Variants in BTBD9 observed in about 807,000 individuals in gnomAD.
The protein encoded by BTBD9 is BTB/POZ domain-containing protein 9.
Under a neutral mutation model 64.3 loss-of-function variants are expected in BTBD9, and 49 were observed. The observed-to-expected ratio is 0.76, with a 90% CI of 0.61 to 0.97. The LOEUF is 0.97. Ranked by LOEUF, BTBD9 falls within the 50% of genes least tolerant of loss-of-function variation. The pLI, the probability that BTBD9 is intolerant of heterozygous loss-of-function variation, is 0.00. For missense variants in BTBD9, 598 were observed against 762.1 expected (o/e 0.78, Z 2.53); for synonymous variants, 260 against 274.7 (o/e 0.95, Z 0.53).
chr6:38,276,422 A>G (rs1761253555), intron 8 of BTBD9, among the ~76,000 whole-genome samples: 1 of 152,068 alleles, frequency 6.6e-6, no homozygotes, highest in Admixed American at 6.6e-5. Context: ...TGGGTGCAGT[A>G]CACCGACATG....
chr6:38,373,690 T>C (rs534508946), intron 6 of BTBD9, among the ~76,000 whole-genome samples: 1 of 152,026 alleles, frequency 6.6e-6, no homozygotes, highest in Non-Finnish European at 1.5e-5. Flanking sequence ...CACCACCACA[T>C]CCAGCTTTTT....
intron 7 of BTBD9, among the ~76,000 whole-genome samples, chr6:38,308,092 T>C (rs1253676063): frequency 6.6e-6 from 1 of 152,214 alleles, no homozygotes; most frequent in Non-Finnish European, 1.5e-5. Context: ...TTGACAATCC[T>C]GTAGTTTAAA....
At chr6:38,518,170 C>T (rs1302800309) in intron 6 of BTBD9, among the ~76,000 whole-genome samples, 3 of 152,034 alleles carry the variant, frequency 2.0e-5, no homozygotes, top group East Asian at 1.9e-4. Context: ...AATGTGCCCC[C>T]CACCCCCGAA....
chr6:38,382,287 T>C (rs1311132399), intron 6 of BTBD9, among the ~76,000 whole-genome samples: 2 of 152,070 alleles, frequency 1.3e-5, no homozygotes, highest in Non-Finnish European at 2.9e-5. Flanking sequence ...CTCAACTAAT[T>C]GTGGTTGTGG....
At chr6:38,373,806 G>A (rs991243255) in intron 6 of BTBD9, among the ~76,000 whole-genome samples, 1 of 152,066 alleles carries the variant, frequency 6.6e-6, no homozygotes, top group African/African-American at 2.4e-5. Flanking sequence ...AAGATTATAG[G>A]TGTGAGCCAC....
intron 8 of BTBD9, among the ~76,000 whole-genome samples, chr6:38,278,797 G>A (rs186631615): frequency 6.6e-6 from 1 of 152,286 alleles, no homozygotes; most frequent in East Asian, 1.9e-4. Context: ...AAAGAATAAT[G>A]TGGCAAGGCA....
At chr6:38,444,172 T>C (rs1375878495) in intron 6 of BTBD9, among the ~76,000 whole-genome samples, 3 of 152,226 alleles carry the variant, frequency 2.0e-5, no homozygotes, top group Non-Finnish European at 4.4e-5. Flanking sequence ...TTAAATCCCC[T>C]GGCCATGTGT....
intron 9 of BTBD9, among the ~76,000 whole-genome samples, chr6:38,239,919 T>C (rs1326787970): frequency 1.3e-5 from 2 of 152,214 alleles, no homozygotes; most frequent in East Asian, 1.9e-4. Context: ...ACACTTACCT[T>C]ATCAGAAAGA....
intron 1 of BTBD9, among the ~76,000 whole-genome samples, chr6:38,633,154 C>T (rs150116157): frequency 5.0e-4 from 76 of 152,294 alleles, no homozygotes; most frequent in African/African-American, 1.6e-3. Flanking sequence ...CTAACTTCCT[C>T]CAGTAACTTT....
At chr6:38,470,945 A>G (rs1368019224) in intron 6 of BTBD9, among the ~76,000 whole-genome samples, 1 of 152,218 alleles carries the variant, frequency 6.6e-6, no homozygotes, top group African/African-American at 2.4e-5. Flanking sequence ...ACGAAGTAGT[A>G]AATTAGAAAA....
Position 38,256,437 on chromosome 6 carries a change from C to T in BTBD9, c.1534G>A (p.Val512Ile). The T allele has an allele frequency of 6.2e-7, 1 of 1,613,922 alleles. No homozygotes were observed. The highest frequency in any genetic ancestry group is 8.5e-7 in the Non-Finnish European group (1 of 1,179,842). The change falls in exon 9 of 11, where the codon GTT (valine) becomes ATT (isoleucine). Residue 512 changes from valine (V) to isoleucine (I), a missense_variant. Transcript: ENST00000481247. Reference sequence around the variant, plus strand: ...CAGGAGACTTTAGTTCTGTCAGCAACCATGGTCCACTGTTGCTGGTTGGTA... The same window carrying T: ...CAGGAGACTTTAGTTCTGTCAGCAATCATGGTCCACTGTTGCTGGTTGGTA... The part of the protein sequence containing the change: ...VSTNQQQWTM[V>I]ADRTKVSCKS...
chr6:38,406,486 G>A (rs1162318322), intron 6 of BTBD9, among the ~76,000 whole-genome samples: 2 of 151,994 alleles, frequency 1.3e-5, no homozygotes, highest in African/African-American at 2.4e-5. Context: ...CTTAGATTAG[G>A]GAATACATTT....
chr6:38,330,168 C>T (rs1379918351), intron 7 of BTBD9, among the ~76,000 whole-genome samples: 1 of 151,976 alleles, frequency 6.6e-6, no homozygotes, highest in Admixed American at 6.6e-5. Context: ...AATTCTCCTG[C>T]CTCAGCCTCC....
At chr6:38,587,319 C>T in intron 4 of BTBD9, 1 of 421,094 alleles carries the variant, frequency 2.4e-6, no homozygotes, top group Non-Finnish European at 4.7e-6. Context: ...TCCTGGAGTC[C>T]ACCATGAACA....
intron 8 of BTBD9, among the ~76,000 whole-genome samples, chr6:38,257,666 G>C (rs191042037): frequency 6.6e-6 from 1 of 152,192 alleles, no homozygotes; most frequent in Admixed American, 6.5e-5. Context: ...TCATTATTTA[G>C]AAATTGATTA....
At chr6:38,566,766 T>A (rs1775537470) in intron 6 of BTBD9, among the ~76,000 whole-genome samples, 1 of 152,200 alleles carries the variant, frequency 6.6e-6, no homozygotes, top group Admixed American at 6.6e-5. Flanking sequence ...AAGTGTGATT[T>A]TAAGCACTGT....
intron 6 of BTBD9, among the ~76,000 whole-genome samples, chr6:38,469,305 C>CTCTCTTT (rs1770528003): frequency 6.7e-6 from 1 of 148,742 alleles, no homozygotes; most frequent in African/African-American, 2.5e-5. Flanking sequence ...GGAACCCACT[C>CTCTCTTT]TCTCTTTTTT....
At chr6:38,277,067 TA>T (rs1220378115) in intron 8 of BTBD9, among the ~76,000 whole-genome samples, 1 of 152,146 alleles carries the variant, frequency 6.6e-6, no homozygotes, top group Non-Finnish European at 1.5e-5. Context: ...CGAAACCAAA[TA>T]AAATTTATTC....
At chr6:38,520,551 T>G (rs1773230182) in intron 6 of BTBD9, among the ~76,000 whole-genome samples, 2 of 152,242 alleles carry the variant, frequency 1.3e-5, no homozygotes, top group African/African-American at 4.8e-5. Context: ...ATTTATACTT[T>G]ACTTACTAAG....
Sources: gnomAD v4.1 joint callset for allele counts (sites outside exome capture counted in the v4.1 genomes callset) on GRCh38, gnomAD v4.1.1 for gene constraint, MANE v1.5 for transcripts, NCBI Gene and HGNC (gene_info 2026-07-23, HGNC 2026-07-21) for gene names.